ACTN2: variants seen among roughly 807,000 people sequenced by gnomAD.
ACTN2 encodes the protein actinin alpha 2, also known as alpha-actinin-2.
In ACTN2, 39 loss-of-function variants were observed where a neutral mutation model predicts 113.8. The observed-to-expected ratio is 0.34, with a 90% confidence interval of 0.27 to 0.45. The LOEUF (loss-of-function observed/expected upper bound fraction) is 0.45. ACTN2 is among the 20% of genes least tolerant of loss of function. The probability of loss-of-function intolerance (pLI) is 1.00; values close to 1 mark genes in which losing one functional copy is unlikely to be tolerated. For missense variants in ACTN2, 992 were observed against 1,177.9 expected (o/e 0.84, Z 2.31); for synonymous variants, 429 against 444.1 (o/e 0.97, Z 0.43).
At chr1:236,689,660 C>G (rs529711396) in intron 1 of ACTN2, among the ~76,000 whole-genome samples, 2 of 152,120 alleles carry the variant, frequency 1.3e-5, no homozygotes, top group African/African-American at 4.8e-5. Context: ...GCCCCAGATA[C>G]AATATTTTAA....
In ACTN2 at chr1:236,749,125, G is replaced by A. The variant is rs1313640254; in HGVS notation, c.1517G>A (p.Arg506Lys). Residue 506 changes from arginine to lysine, a missense_variant and splice_region_variant, in exon 14 of 21, where the codon AGA (arginine) becomes AAA (lysine). By Grantham distance (26) the Arg-to-Lys change is conservative. Coordinates refer to ENST00000366578, the MANE Select transcript of ACTN2 (RefSeq NM_001103.4). ...LTQKRREALE[R>K]MEKLLETIDQ... ...TGCTTGCTTCTCTTTATTCTTTAGA[G>A]AATGGAGAAATTGCTAGAAACCATT... 6.2e-7 allele frequency: 1 copy of A among 1,614,128 alleles called. No individual in the cohort carries two copies. The highest frequency in any genetic ancestry group is 8.5e-7 in the Non-Finnish European group (1 of 1,180,024).
chr1:236,709,271 CATAT>C (rs1286343957), intron 1 of ACTN2, among the ~76,000 whole-genome samples: 2 of 119,046 alleles, frequency 1.7e-5, no homozygotes, highest in African/African-American at 6.8e-5. Flanking sequence ...CACACACACA[CATAT>C]ATATGTATAT....
intron 10 of ACTN2, among the ~76,000 whole-genome samples, 182 bp downstream of exon 10, chr1:236,739,714 G>A (rs527705288): frequency 6.6e-6 from 1 of 152,286 alleles, no homozygotes; most frequent in Admixed American, 6.5e-5. Context: ...TGTACTTCTT[G>A]AATCCAGCTG....
intron 4 of ACTN2, among the ~76,000 whole-genome samples, chr1:236,723,037 A>G (rs1658447696): frequency 6.6e-6 from 1 of 152,252 alleles, no homozygotes; most frequent in South Asian, 2.1e-4. Flanking sequence ...ACACATATTC[A>G]GGCAGAAATT....
chr1:236,705,433 A>G (rs12025491), intron 1 of ACTN2, among the ~76,000 whole-genome samples: 67,632 of 152,122 alleles, frequency 0.44, 18,323 homozygotes, highest in Non-Finnish European at 0.61. Context: ...CGTTACAACC[A>G]GTCCAAAAGA....
At chr1:236,725,868 G>A in intron 4 of ACTN2, 65 bp from the exon 5 acceptor site, 1 of 1,465,934 alleles carries the variant, frequency 6.8e-7, no homozygotes, top group East Asian at 2.3e-5. Context: ...TTTCAAAAGT[G>A]ACTAGGAGCT....
chr1:236,746,000 A>G (rs1231188485), intron 12 of ACTN2, among the ~76,000 whole-genome samples: 1 of 151,742 alleles, frequency 6.6e-6, no homozygotes, highest in Non-Finnish European at 1.5e-5. Flanking sequence ...CGTATCTACT[A>G]AAAATACAAA....
chr1:236,709,245 T>TAC lies in ACTN2; in HGVS notation c.127-8612_127-8611insCA, dbSNP rs1558227402. The stretch of plus-strand genomic sequence containing the variant: ...GTATATATATATATATATATATATA[T>TAC]ATATATATATACACACACACACACA... On this transcript the variant is annotated intron_variant, in intron 1 of 20. Transcript: ENST00000366578. 3.0e-4 allele frequency among the ~76,000 whole-genome samples: 24 copies of TAC among 81,302 alleles called. 1 individual carries two copies. Among genetic ancestry groups the TAC allele is most frequent in the African/African-American group, 1.0e-3 (24 of 23,342 alleles). The allele number at this position is 81,302 out of a possible 152,430, so 53.3% of individuals were successfully genotyped here.
chr1:236,746,239 G>A (rs956129753), intron 12 of ACTN2, among the ~76,000 whole-genome samples: 1 of 151,854 alleles, frequency 6.6e-6, no homozygotes, highest in African/African-American at 2.4e-5. Context: ...ATTTGGTAGG[G>A]TAGGAGGGGA....
At chr1:236,753,849 A>ACC in intron 15 of ACTN2, 98 bp from the exon 16 acceptor site, 2 of 1,103,216 alleles carry the variant, frequency 1.8e-6, no homozygotes, top group Non-Finnish European at 2.5e-6. Flanking sequence ...CTCCTTCTCC[A>ACC]CTCCCACCCC....
chr1:236,712,055 C>T (rs1199777935), intron 1 of ACTN2, among the ~76,000 whole-genome samples: 1 of 152,218 alleles, frequency 6.6e-6, no homozygotes, highest in Non-Finnish European at 1.5e-5. Context: ...CTTTCATTTC[C>T]ACTTTAGTTC....
At chr1:236,704,113 C>G (rs1410998291) in intron 1 of ACTN2, among the ~76,000 whole-genome samples, 1 of 152,184 alleles carries the variant, frequency 6.6e-6, no homozygotes, top group East Asian at 1.9e-4. Flanking sequence ...GGAACTGCCT[C>G]AAGCTTCAAC....
chr1:236,744,416 C>G (rs1009240646), intron 11 of ACTN2, among the ~76,000 whole-genome samples: 1 of 152,142 alleles, frequency 6.6e-6, no homozygotes, highest in African/African-American at 2.4e-5. Flanking sequence ...TTTGGAGACA[C>G]GAGCTTTCAA....
chr1:236,733,457 G>C (rs1658770836), intron 7 of ACTN2, among the ~76,000 whole-genome samples: 1 of 152,082 alleles, frequency 6.6e-6, no homozygotes, highest in African/African-American at 2.4e-5. Context: ...AGGCAGATGG[G>C]GTGTGTTAGC....
intron 10 of ACTN2, among the ~76,000 whole-genome samples, chr1:236,741,747 T>C (rs562159828): frequency 2.6e-5 from 4 of 152,356 alleles, no homozygotes; most frequent in African/African-American, 9.6e-5. Flanking sequence ...GTTCTTCTTT[T>C]TCTTTTGCCC....
At chr1:236,695,563 T>TTCCCCC (rs1553296741) in intron 1 of ACTN2, among the ~76,000 whole-genome samples, 37 of 100,784 alleles carry the variant, frequency 3.7e-4, no homozygotes, top group African/African-American at 4.5e-4. Context: ...TGAAATGAGT[T>TTCCCCC]CCCCCCCCCT....
chr1:236,751,527 C>T lies in ACTN2; in HGVS notation c.1714C>T (p.Arg572Trp), dbSNP rs142142718. Residue 572 changes from arginine (R) to tryptophan (W), a missense_variant, in exon 15 of 21, where the codon CGG becomes TGG. Arg to Trp is a moderately radical substitution (Grantham distance 101). This residue lies in a region of ACTN2 where 736 missense variants were observed against 815.4 expected (regional missense o/e 0.90). Transcript: ENST00000366578. ...CACGCTGCCCGAGGCGGACGGAGAG[C>T]GGCAGTCCATCATGGCCATCCAGAA... Reference protein sequence around the residue: ...KATLPEADGERQSIMAIQNEV... With the variant: ...KATLPEADGEWQSIMAIQNEV... The T allele has an allele frequency of 2.5e-5, 41 of 1,613,940 alleles. No homozygotes were observed. In the African/African-American group the frequency reaches 2.9e-4, roughly 12 times the overall value.
rs190536248 is a variant in ACTN2, at chr1:236,762,905, T to G, written c.*286T>G. ...GATTAAACAGAACAAATTACTTGAGTAATAGGAAATTAGGAGGATCTAGGG... is the reference window on the plus strand; with the variant it reads ...GATTAAACAGAACAAATTACTTGAGGAATAGGAAATTAGGAGGATCTAGGG... On this transcript the variant is annotated 3_prime_UTR_variant, in exon 21 of 21. Coordinates refer to ENST00000366578, the MANE Select transcript of ACTN2 (RefSeq NM_001103.4). 4.8e-6 allele frequency: 2 copies of G among 413,092 alleles called. No individual in the cohort carries two copies. Among genetic ancestry groups the G allele is most frequent in the Non-Finnish European group, 9.0e-6 (2 of 221,008 alleles). The allele number at this position is 413,092 out of a possible 1,614,324, so 25.6% of individuals were successfully genotyped here. A position where few individuals can be genotyped will look rare whatever the true frequency, so the allele number is the denominator to read the frequency against.
At chr1:236,697,074 G>T (rs1657529159) in intron 1 of ACTN2, among the ~76,000 whole-genome samples, 1 of 152,212 alleles carries the variant, frequency 6.6e-6, no homozygotes, top group Admixed American at 6.5e-5. Flanking sequence ...GTATTCATTT[G>T]TAAAAGTAAA....
Sources: gnomAD v4.1 joint callset for allele counts (sites outside exome capture counted in the v4.1 genomes callset) on GRCh38, gnomAD v4.1.1 for gene constraint, gnomAD v4.1.1 regional missense constraint, MANE v1.5 for transcripts, NCBI Gene and HGNC (gene_info 2026-07-23, HGNC 2026-07-21) for gene names.